The following DOCK8 variants were observed in gnomAD, a reference collection of about 807,000 sequenced individuals.
The protein encoded by DOCK8 is dedicator of cytokinesis protein 8.
DOCK8 carries 141 observed loss-of-function variants against 245.6 expected under a neutral mutation model. The observed-to-expected ratio is 0.57, with a 90% CI of 0.50 to 0.66. The LOEUF is 0.66. Ranked by LOEUF, DOCK8 falls within the 30% of genes least tolerant of loss-of-function variation. The pLI is 0.00. For missense variants in DOCK8, 2,965 were observed against 2,603.4 expected (o/e 1.14, Z -3.02); for synonymous variants, 1,168 against 970.2 (o/e 1.20, Z -3.79).
chr9:412,448 T>C (rs1383793037), intron 28 of DOCK8, among the ~76,000 whole-genome samples: 3 of 147,650 alleles, frequency 2.0e-5, no homozygotes, highest in East Asian at 3.9e-4. Context: ...AAAGAAAGCA[T>C]TTAAATTGGA....
intron 18 of DOCK8, among the ~76,000 whole-genome samples, chr9:373,955 G>A (rs2053408934): frequency 6.6e-6 from 1 of 152,316 alleles, no homozygotes; most frequent in Non-Finnish European, 1.5e-5. Context: ...AGACCTGAGT[G>A]TTGGAGAGAG....
In DOCK8 at chr9:324,076, A is replaced by C. The variant is rs551289421; in HGVS notation, c.828-1595A>C. 3.3e-5 allele frequency among the ~76,000 whole-genome samples: 5 copies of C among 152,358 alleles called. No individual in the cohort carries two copies. The South Asian group carries it at 8.3e-4, about 25-fold the overall frequency. On this transcript the variant is annotated intron_variant, in intron 7 of 47. Transcript: ENST00000432829. ...CTTACCTTATTTTGCAGATAAATAA[A>C]TGGAATTCAGAAAGGCGAGTAACCT...
chr9:293,204 T>C (rs1222880098), intron 4 of DOCK8, among the ~76,000 whole-genome samples: 2 of 152,166 alleles, frequency 1.3e-5, no homozygotes, highest in Non-Finnish European at 2.9e-5. Context: ...TGCATCTCTT[T>C]CTATCCCTCT....
At chr9:379,355 C>T (rs564697552) in intron 20 of DOCK8, among the ~76,000 whole-genome samples, 14 of 152,206 alleles carry the variant, frequency 9.2e-5, no homozygotes, top group African/African-American at 3.1e-4. Flanking sequence ...GTCACGTGAG[C>T]ATCTTGTAAA....
Position 429,757 on chromosome 9 carries a change from A to G in DOCK8, c.4529A>G (p.Gln1510Arg), listed in dbSNP as rs2056640612. Reference sequence around the variant, plus strand: ...GAACAGTGTTTCGACCTATGTCACCAAGTCCTGCACCACTGCAGCAGCAGC... The same window carrying G: ...GAACAGTGTTTCGACCTATGTCACCGAGTCCTGCACCACTGCAGCAGCAGC... ...EVEQCFDLCH[Q>R]VLHHCSSSMD... Residue 1510 changes from glutamine (Q) to arginine (R), a missense_variant, in exon 36 of 48, where the codon CAA becomes CGA. Physicochemically the swap from Gln to Arg is conservative, Grantham distance 43. Around this residue, in one of 3 missense-constraint regions of DOCK8, gnomAD observed 2,825 missense variants for 2,453.5 expected, o/e 1.15. Transcript: ENST00000432829. 1 of 1,614,174 alleles carries G rather than the reference A, an allele frequency of 6.2e-7. No homozygotes were observed. The highest frequency in any genetic ancestry group is 1.7e-5 in the Admixed American group (1 of 60,026).
chr9:221,786 C>T (rs1271439079), intron 1 of DOCK8, among the ~76,000 whole-genome samples: 1 of 151,362 alleles, frequency 6.6e-6, no homozygotes, highest in Admixed American at 6.6e-5. Context: ...CGCACCACTG[C>T]ACTCCAGCCT....
intron 4 of DOCK8, among the ~76,000 whole-genome samples, chr9:304,195 C>G (rs529412322): frequency 6.6e-6 from 1 of 152,212 alleles, no homozygotes; most frequent in Admixed American, 6.5e-5. Context: ...ATGGTTTTCT[C>G]TATTTTTATC....
At chr9:320,004 G>C (rs2130774399) in intron 7 of DOCK8, among the ~76,000 whole-genome samples, 1 of 152,370 alleles carries the variant, frequency 6.6e-6, no homozygotes, top group Non-Finnish European at 1.5e-5. Flanking sequence ...GATTCTGGTT[G>C]AGTAGGTCTC....
At position 271,700 on chromosome 9, in the gene DOCK8, A is replaced by G; in HGVS notation, c.127A>G (p.Ser43Gly). The G allele has an allele frequency of 6.4e-7, 1 of 1,551,832 alleles. No individual in the cohort carries two copies. Among genetic ancestry groups the G allele is most frequent in the Non-Finnish European group, 8.7e-7 (1 of 1,146,858 alleles). ...TGGCCAGTACCATCGACAGAGCATA[A>G]GTACCTCTGGCTTCCCCTCTCTTCA... ...NLGQYHRQSI[S>G]TSGFPSLQLP... Residue 43 changes from serine to glycine, a missense_variant, in exon 2 of 48, where the codon AGT becomes GGT. Physicochemically the swap from Ser to Gly is moderately conservative, Grantham distance 56 (BLOSUM62 0). This residue lies in a region of DOCK8 where 2,825 missense variants were observed against 2,453.5 expected (regional missense o/e 1.15). Transcript: ENST00000432829.
chr9:290,568 G>T (rs1414755863), intron 4 of DOCK8, among the ~76,000 whole-genome samples: 1 of 152,164 alleles, frequency 6.6e-6, no homozygotes, highest in African/African-American at 2.4e-5. Context: ...AACCTTCTGT[G>T]ACATTGTTCT....
chr9:240,115 G>A (rs531649878), intron 1 of DOCK8, among the ~76,000 whole-genome samples: 12 of 152,294 alleles, frequency 7.9e-5, no homozygotes, highest in Non-Finnish European at 1.8e-4. Context: ...GCAAGGTTTT[G>A]TGTGGCATCT....
chr9:293,342 A>G (rs536889447), intron 4 of DOCK8, among the ~76,000 whole-genome samples: 2 of 152,364 alleles, frequency 1.3e-5, no homozygotes, highest in South Asian at 2.1e-4. Context: ...GGGAGAATCC[A>G]GTACACTATT....
intron 1 of DOCK8, among the ~76,000 whole-genome samples, chr9:251,972 C>CCT (rs2047659239): frequency 7.7e-6 from 1 of 130,614 alleles, no homozygotes; most frequent in South Asian, 2.4e-4. Flanking sequence ...ATTGTGTTTT[C>CCT]TTTTTTTTTT....
At chr9:324,945 G>C (rs2050692414) in intron 7 of DOCK8, among the ~76,000 whole-genome samples, 1 of 152,084 alleles carries the variant, frequency 6.6e-6, no homozygotes, top group Non-Finnish European at 1.5e-5. Flanking sequence ...ATTGTACCCA[G>C]TATGTAGTTT....
intron 26 of DOCK8, among the ~76,000 whole-genome samples, chr9:402,518 C>T (rs1362442586): frequency 6.6e-6 from 1 of 152,192 alleles, no homozygotes; most frequent in Non-Finnish European, 1.5e-5. Flanking sequence ...GCACTCAGGC[C>T]TCAGAAGGTC....
chr9:274,504 A>G (rs1248750705), intron 2 of DOCK8, among the ~76,000 whole-genome samples: 2 of 74,222 alleles, frequency 2.7e-5, no homozygotes, highest in Non-Finnish European at 6.2e-5. Context: ...TTTTTTTTTT[A>G]GATGAATAGT....
chr9:217,916 C>G (rs575433979), intron 1 of DOCK8, among the ~76,000 whole-genome samples: 2 of 152,242 alleles, frequency 1.3e-5, no homozygotes, highest in South Asian at 2.1e-4. Flanking sequence ...AGACTGTGCT[C>G]TTAATTGGGC....
In DOCK8 at chr9:403,015, G is replaced by A. The variant is rs1024226246; in HGVS notation, c.3235-1903G>A. Among the ~76,000 whole-genome samples, 16 of 152,116 alleles carry A rather than the reference G, an allele frequency of 1.1e-4. No homozygotes were observed. The East Asian group carries it at 2.3e-3, about 22-fold the overall frequency. On this transcript the variant is annotated intron_variant, in intron 26 of 47. Transcript: ENST00000432829. ...AGCGATTCTCCTTCCTCACCCTCCC[G>A]AGTAGCTGGGATTACAGGTGTGTGG... is the stretch of plus-strand genomic sequence containing the variant.
Position 439,238 on chromosome 9 carries a change from C to A in DOCK8, c.5080-7C>A. ...GTTCTCCAGGCTTATACTGTGGTCT[C>A]TTTCAGAATATTTCTTCCAATGTGC... On this transcript the variant is annotated splice_region_variant and splice_polypyrimidine_tract_variant and intron_variant, in intron 39 of 47. Transcript: ENST00000432829. 1 of 1,614,202 alleles carries A rather than the reference C, an allele frequency of 6.2e-7. No homozygotes were observed. The highest frequency in any genetic ancestry group is 8.5e-7 in the Non-Finnish European group (1 of 1,180,034).
Sources: allele counts gnomAD v4.1 joint callset (sites outside exome capture counted in the v4.1 genomes callset), GRCh38; gene constraint gnomAD v4.1.1; regional missense constraint gnomAD v4.1.1; transcripts MANE v1.5; gene names NCBI Gene and HGNC (gene_info 2026-07-23, HGNC 2026-07-21).